Variants in EYS observed in about 807,000 individuals in gnomAD.
EYS encodes the protein protein eyes shut homolog.
In EYS, 250 loss-of-function variants were observed where a neutral mutation model predicts 282.1. The observed-to-expected ratio is 0.89, with a 90% CI of 0.80 to 0.98. The LOEUF (loss-of-function observed/expected upper bound fraction) is 0.98. Ranked by LOEUF, EYS falls within the 50% of genes least tolerant of loss-of-function variation. The pLI is 0.00. For synonymous variants in EYS, 1,355 were observed against 1,282.9 expected, an observed-to-expected ratio of 1.06 and a Z score of -1.20; for missense variants, 4,016 against 3,709.0, an observed-to-expected ratio of 1.08 and a Z score of -2.15.
intron 11 of EYS, among the ~76,000 whole-genome samples, chr6:65,319,701 T>A (rs1769416895): frequency 6.6e-6 from 1 of 152,110 alleles, no homozygotes; most frequent in African/African-American, 2.4e-5. Context: ...GATAGATGGA[T>A]GGTTGGTTGA....
At chr6:65,357,508 A>G (rs1764533581) in intron 8 of EYS, among the ~76,000 whole-genome samples, 1 of 151,982 alleles carries the variant, frequency 6.6e-6, no homozygotes, top group Non-Finnish European at 1.5e-5. Context: ...ACATTAAAAT[A>G]TACCACAGCT....
intron 13 of EYS, among the ~76,000 whole-genome samples, chr6:65,007,276 G>A (rs1361803970): frequency 6.6e-6 from 1 of 152,114 alleles, no homozygotes; most frequent in Non-Finnish European, 1.5e-5. Context: ...GCATCCCTAT[G>A]TCCTTTTATC....
chr6:64,450,351 C>T (rs1259569994), intron 26 of EYS, among the ~76,000 whole-genome samples: 5 of 152,154 alleles, frequency 3.3e-5, no homozygotes, highest in South Asian at 2.1e-4. Flanking sequence ...CACCCAGATT[C>T]GTAAAGCAAG....
chr6:64,259,552 G>A lies in EYS; in HGVS notation c.6192-28728C>T, dbSNP rs149755750. ...TCCGTCCCAGTCTCTGAGAGGGCAG[G>A]AGCCTAACTTTGATATGTGTGCCAA... On this transcript the variant is annotated intron_variant, in intron 30 of 42. Transcript: ENST00000503581. Among the ~76,000 whole-genome samples, 394 of 151,918 alleles carry A rather than the reference G, an allele frequency of 2.6e-3. 1 individual carries two copies. The highest frequency in any genetic ancestry group is 9.1e-3 in the African/African-American group (376 of 41,470).
intron 19 of EYS, among the ~76,000 whole-genome samples, chr6:64,837,617 T>A (rs2812784): frequency 6.8e-6 from 1 of 146,298 alleles, no homozygotes; most frequent in Non-Finnish European, 1.5e-5. Flanking sequence ...ATATGATATA[T>A]GATATGTATA....
rs374284609 is a variant in EYS at position 65,056,541 on chromosome 6, G to C, written c.2137+1073C>G. 2.0e-5 allele frequency among the ~76,000 whole-genome samples: 3 copies of C among 151,948 alleles called. No individual in the cohort carries two copies. The East Asian group carries it at 5.8e-4, about 30-fold the overall frequency. On this transcript the variant is annotated intron_variant, in intron 13 of 42. Transcript: ENST00000503581. Reference sequence around the variant, plus strand: ...GGAGGCAGAGGCTGCAGTGAGCTACGATAGCACCACTGCACCCCAACCTTG... The same window carrying C: ...GGAGGCAGAGGCTGCAGTGAGCTACCATAGCACCACTGCACCCCAACCTTG...
chr6:65,057,929 A>G (rs1368412084), intron 12 of EYS, among the ~76,000 whole-genome samples: 1 of 152,126 alleles, frequency 6.6e-6, no homozygotes, highest in African/African-American at 2.4e-5. Flanking sequence ...TCTTAGAATT[A>G]CTAAAAGGAC....
In EYS at chr6:64,388,673, A is replaced by G. The variant is rs1396881777; in HGVS notation, c.6078+17T>C. 8 of 1,461,426 alleles carry G rather than the reference A, an allele frequency of 5.5e-6. No individual in the cohort carries two copies. Among genetic ancestry groups the G allele is most frequent in the Non-Finnish European group, 6.4e-6 (7 of 1,098,848 alleles). The allele number at this position is 1,461,426 out of a possible 1,614,324, so 90.5% of individuals were successfully genotyped here. ...TTATTTTCAATAATTAATATTTTAA[A>G]ACATCTATAGAAATACCTGGATTTT... On this transcript the variant is annotated intron_variant, in intron 29 of 42. Transcript: ENST00000503581.
intron 35 of EYS, among the ~76,000 whole-genome samples, chr6:63,864,643 C>G (rs1772627771): frequency 6.6e-6 from 1 of 152,150 alleles, no homozygotes; most frequent in South Asian, 2.1e-4. Context: ...TTATTTCACA[C>G]TGGGTGCCTT....
intron 2 of EYS, among the ~76,000 whole-genome samples, chr6:65,627,079 A>G (rs1213232404): frequency 6.6e-6 from 1 of 151,072 alleles, no homozygotes; most frequent in Non-Finnish European, 1.5e-5. Context: ...TTATCTTCAT[A>G]TAAATATTGA....
intron 5 of EYS, among the ~76,000 whole-genome samples, chr6:65,452,299 T>A (rs1017565802): frequency 2.0e-5 from 3 of 151,520 alleles, no homozygotes; most frequent in Non-Finnish European, 4.4e-5. Flanking sequence ...TGAAAAACAT[T>A]TTAAAGAAAG....
At chr6:64,200,659 A>C (rs1765435900) in intron 31 of EYS, among the ~76,000 whole-genome samples, 1 of 152,084 alleles carries the variant, frequency 6.6e-6, no homozygotes, top group Non-Finnish European at 1.5e-5. Flanking sequence ...AACAGGAGAG[A>C]AGCAGAAAAA....
At chr6:64,758,491 C>G (rs968809755) in intron 22 of EYS, among the ~76,000 whole-genome samples, 2 of 151,988 alleles carry the variant, frequency 1.3e-5, no homozygotes, top group Admixed American at 6.6e-5. Context: ...AAAGAGTTTA[C>G]GACAATCCTC....
intron 9 of EYS, 57 bp from the exon 10 acceptor site, chr6:65,344,234 T>G: frequency 7.2e-7 from 1 of 1,380,474 alleles, no homozygotes; most frequent in Non-Finnish European, 1.0e-6. Flanking sequence ...GAATTCAGAA[T>G]GAATTATTAA....
At chr6:64,994,145 G>T (rs146018529) in intron 14 of EYS, among the ~76,000 whole-genome samples, 1 of 151,998 alleles carries the variant, frequency 6.6e-6, no homozygotes, top group African/African-American at 2.4e-5. Context: ...CTAGGGAATA[G>T]ATCTTACTAT....
chr6:65,027,709 C>T (rs1044555264), intron 13 of EYS, among the ~76,000 whole-genome samples: 1 of 152,116 alleles, frequency 6.6e-6, no homozygotes, highest in Non-Finnish European at 1.5e-5. Flanking sequence ...GCACTTAAGA[C>T]TTATCAGTAT....
chr6:64,462,414 C>T (rs1278117047), intron 26 of EYS, among the ~76,000 whole-genome samples: 1 of 152,138 alleles, frequency 6.6e-6, no homozygotes, highest in Non-Finnish European at 1.5e-5. Context: ...AATTCTCTGA[C>T]ATATTAAGGT....
At chr6:64,660,227 G>A (rs62417980) in intron 22 of EYS, among the ~76,000 whole-genome samples, 1 of 151,738 alleles carries the variant, frequency 6.6e-6, no homozygotes, top group African/African-American at 2.4e-5. Flanking sequence ...GGTATTGATG[G>A]GAAGTATCTC....
At position 65,258,082 on chromosome 6, in the gene EYS, A is replaced by G. The variant is rs704521; in HGVS notation, c.2023+37781T>C. Among the ~76,000 whole-genome samples, 855 of 152,186 alleles carry G rather than the reference A, an allele frequency of 5.6e-3. 7 individuals carry two copies. The highest frequency in any genetic ancestry group is 0.019 in the African/African-American group (809 of 41,558). ...CTGTTGTGACTATTGCAAATTGTAT[A>G]CCTATGTCAAAACATTACGTGTACC... On this transcript the variant is annotated intron_variant, in intron 12 of 42. Transcript: ENST00000503581.
Sources: gnomAD v4.1 joint callset for allele counts (sites outside exome capture counted in the v4.1 genomes callset) on GRCh38, gnomAD v4.1.1 for gene constraint, MANE v1.5 for transcripts, NCBI Gene and HGNC (gene_info 2026-07-23, HGNC 2026-07-21) for gene names.